The following ARHGAP15 variants were observed in gnomAD, a reference collection of about 807,000 sequenced individuals.
The protein encoded by ARHGAP15 is Rho GTPase activating protein 15.
Under a neutral mutation model 63.7 loss-of-function variants are expected in ARHGAP15, and 51 were observed. The observed-to-expected ratio is 0.80, with a 90% CI of 0.64 to 1.01. The LOEUF (loss-of-function observed/expected upper bound fraction) is 1.01. Ranked by LOEUF, ARHGAP15 falls within the 50% of genes least tolerant of loss-of-function variation. The pLI is 0.00. For synonymous variants in ARHGAP15, 191 were observed against 193.8 expected, an observed-to-expected ratio of 0.99 and a Z score of 0.12; for missense variants, 560 against 564.6, an observed-to-expected ratio of 0.99 and a Z score of 0.08.
At chr2:143,307,974 C>A (rs1168443588) in intron 6 of ARHGAP15, among the ~76,000 whole-genome samples, 1 of 152,052 alleles carries the variant, frequency 6.6e-6, no homozygotes, top group Non-Finnish European at 1.5e-5. Flanking sequence ...CAGTTTTATA[C>A]CTTTCTTGAT....
chr2:143,674,894 G>T (rs1033487350), intron 12 of ARHGAP15, among the ~76,000 whole-genome samples: 1 of 152,062 alleles, frequency 6.6e-6, no homozygotes, highest in African/African-American at 2.4e-5. Context: ...GTTGCTGAAG[G>T]TTGGGGTAAT....
At chr2:143,302,941 T>C (rs1682975048) in intron 6 of ARHGAP15, among the ~76,000 whole-genome samples, 1 of 152,086 alleles carries the variant, frequency 6.6e-6, no homozygotes, top group Non-Finnish European at 1.5e-5. Context: ...TATATGCACA[T>C]TCACAGGCTA....
chr2:143,728,955 A>G (rs1333702172), intron 13 of ARHGAP15, among the ~76,000 whole-genome samples: 4 of 152,218 alleles, frequency 2.6e-5, no homozygotes, highest in African/African-American at 9.6e-5. Flanking sequence ...AGCACTGGGA[A>G]GTGCAGTGAA....
intron 6 of ARHGAP15, among the ~76,000 whole-genome samples, chr2:143,251,782 G>T (rs1282722089): frequency 6.6e-6 from 1 of 152,088 alleles, no homozygotes; most frequent in South Asian, 2.1e-4. Flanking sequence ...AAACACGCTT[G>T]TCCTGAAATC....
At chr2:143,373,368 C>A (rs541831087) in intron 6 of ARHGAP15, among the ~76,000 whole-genome samples, 4 of 152,190 alleles carry the variant, frequency 2.6e-5, no homozygotes, top group African/African-American at 9.6e-5. Context: ...CGGTGGCTCA[C>A]GCCTGTAATC....
chr2:143,492,784 T>C (rs1692641819), intron 9 of ARHGAP15, among the ~76,000 whole-genome samples: 1 of 150,074 alleles, frequency 6.7e-6, no homozygotes, highest in Non-Finnish European at 1.5e-5. Flanking sequence ...CATCCGGGCG[T>C]GGTGGCTCAC....
chr2:143,136,237 C>G (rs563565406), intron 1 of ARHGAP15, among the ~76,000 whole-genome samples: 14 of 152,180 alleles, frequency 9.2e-5, no homozygotes, highest in Non-Finnish European at 1.8e-4. Flanking sequence ...TATAAACTTA[C>G]TTTTCATTAT....
intron 11 of ARHGAP15, among the ~76,000 whole-genome samples, chr2:143,576,885 T>A (rs1200555283): frequency 1.3e-5 from 2 of 152,178 alleles, no homozygotes; most frequent in Non-Finnish European, 2.9e-5. Flanking sequence ...AAGTCCAAAG[T>A]AATCCTCCAT....
At chr2:143,628,290 AGTACTTGT>A (rs1302421496) in intron 12 of ARHGAP15, among the ~76,000 whole-genome samples, 1 of 152,150 alleles carries the variant, frequency 6.6e-6, no homozygotes, top group African/African-American at 2.4e-5. Context: ...TGAACATGCA[AGTACTTGT>A]GTCTTTTTGG....
intron 11 of ARHGAP15, among the ~76,000 whole-genome samples, chr2:143,612,045 T>TACTGTA (rs1698276568): frequency 6.6e-6 from 1 of 152,218 alleles, no homozygotes; most frequent in Non-Finnish European, 1.5e-5. Context: ...TTCCTACAGA[T>TACTGTA]TTATCTTCGT....
chr2:143,654,639 A>G (rs1681338827), intron 12 of ARHGAP15, among the ~76,000 whole-genome samples: 1 of 152,208 alleles, frequency 6.6e-6, no homozygotes, highest in Non-Finnish European at 1.5e-5. Flanking sequence ...TATCCAATTA[A>G]TAAATTGAGA....
chr2:143,137,276 A>G (rs911100447), intron 1 of ARHGAP15, among the ~76,000 whole-genome samples: 5 of 152,070 alleles, frequency 3.3e-5, no homozygotes, highest in African/African-American at 1.2e-4. Context: ...TTTTACTGCT[A>G]AATACCTAGA....
At chr2:143,415,273 G>GATT (rs1173919790) in intron 6 of ARHGAP15, among the ~76,000 whole-genome samples, 1 of 152,000 alleles carries the variant, frequency 6.6e-6, no homozygotes, top group African/African-American at 2.4e-5. Context: ...AATAGAAATA[G>GATT]ATTATCATAG....
intron 2 of ARHGAP15, among the ~76,000 whole-genome samples, chr2:143,180,583 CT>C (rs1213626834): frequency 2.6e-5 from 4 of 152,180 alleles, no homozygotes; most frequent in African/African-American, 9.7e-5. Flanking sequence ...ATGGTAAATC[CT>C]TTTTAGAAGG....
At chr2:143,178,817 T>A (rs1277325591) in intron 2 of ARHGAP15, among the ~76,000 whole-genome samples, 1 of 152,234 alleles carries the variant, frequency 6.6e-6, no homozygotes, top group South Asian at 2.1e-4. Flanking sequence ...ACATGCTTCA[T>A]ACATTTTGAG....
intron 8 of ARHGAP15, among the ~76,000 whole-genome samples, chr2:143,476,358 T>C (rs964395465): frequency 5.3e-5 from 8 of 152,232 alleles, no homozygotes; most frequent in African/African-American, 1.9e-4. Flanking sequence ...AAGAGTACTG[T>C]TTCAGTAAGA....
chr2:143,494,475 T>A (rs1358103910), intron 9 of ARHGAP15, among the ~76,000 whole-genome samples: 2 of 152,190 alleles, frequency 1.3e-5, no homozygotes, highest in Non-Finnish European at 1.5e-5. Context: ...ATTGAATAAA[T>A]AGGAAAAGTA....
intron 12 of ARHGAP15, among the ~76,000 whole-genome samples, chr2:143,670,150 A>C (rs1682443436): frequency 6.6e-6 from 1 of 152,138 alleles, no homozygotes. Context: ...CCCATACAGA[A>C]AAGCTCTTGC....
intron 6 of ARHGAP15, chr2:143,351,302 T>C (rs1331470716): frequency 1.3e-5 from 2 of 152,214 alleles, no homozygotes; most frequent in Non-Finnish European, 2.9e-5. Flanking sequence ...ATGATTGATA[T>C]ATGTTTTTGA....
Sources: allele counts gnomAD v4.1 joint callset (sites outside exome capture counted in the v4.1 genomes callset), GRCh38; gene constraint gnomAD v4.1.1; transcripts MANE v1.5; gene names NCBI Gene and HGNC (gene_info 2026-07-23, HGNC 2026-07-21).